The following RTKN2 variants were observed in gnomAD, a reference collection of about 807,000 sequenced individuals.
RTKN2 encodes the protein rhotekin 2, also known as rhotekin-2.
In RTKN2, 69 loss-of-function variants were observed where a neutral mutation model predicts 71.5. The ratio of observed to expected loss-of-function variants is 0.96; its 90% CI spans 0.79 to 1.18. The LOEUF is 1.18. RTKN2 is among the 50% of genes most tolerant of loss of function. The pLI is 0.00. For missense variants in RTKN2, 724 were observed against 719.7 expected (o/e 1.01, Z -0.07); for synonymous variants, 236 against 236.5 (o/e 1.00, Z 0.02).
Position 62,195,969 on chromosome 10 carries a change from T to C in RTKN2, c.*1939A>G, listed in dbSNP as rs1331562091. 1 of 985,028 alleles carries C rather than the reference T, an allele frequency of 1.0e-6. No homozygotes were observed. The highest frequency in any genetic ancestry group is 1.2e-6 in the Non-Finnish European group (1 of 829,736). 61.0% of individuals were successfully genotyped at this position (985,028 alleles called of 1,614,324 possible). A position where few individuals can be genotyped will look rare whatever the true frequency, so the allele number is the denominator to read the frequency against. ...ACACCTTAAGTCCTTCCTGCTGTTA[T>C]CTGCATGAGGAAAAATGACAAGAAT... On this transcript the variant is annotated 3_prime_UTR_variant, in exon 12 of 12. Coordinates refer to ENST00000373789, the MANE Select transcript of RTKN2 (RefSeq NM_145307.4).
In RTKN2 at chr10:62,256,125, C is replaced by T. The variant is rs1350272060; in HGVS notation, c.257+6500G>A. ...TCTCAAGCTTCTGGATGCAAGTGATCCTCCTGCCTCAGCCTCTTGTGTAGC... is the reference window on the plus strand; with the variant it reads ...TCTCAAGCTTCTGGATGCAAGTGATTCTCCTGCCTCAGCCTCTTGTGTAGC... On this transcript the variant is annotated intron_variant, in intron 2 of 11. Transcript: ENST00000373789. Among the ~76,000 whole-genome samples the T allele has an allele frequency of 2.0e-5, 3 of 151,282 alleles. No homozygotes were observed. The East Asian group carries it at 5.8e-4, about 29-fold the overall frequency.
intron 6 of RTKN2, among the ~76,000 whole-genome samples, chr10:62,228,067 A>G (rs1842067376): frequency 1.3e-5 from 2 of 152,214 alleles, no homozygotes; most frequent in South Asian, 4.1e-4. Flanking sequence ...TGTTTTCAGT[A>G]TCTAGATGCA....
chr10:62,218,179 T>G lies in RTKN2; in HGVS notation c.888+16A>C. ...GTAGAGCTACAATTGTTGTAGGATATTTAAAGTCCTCTAACCTGCTGATTA... is the reference window on the plus strand; with the variant it reads ...GTAGAGCTACAATTGTTGTAGGATAGTTAAAGTCCTCTAACCTGCTGATTA... On this transcript the variant is annotated intron_variant, in intron 8 of 11. Transcript: ENST00000373789. 6.5e-7 allele frequency: 1 copy of G among 1,530,818 alleles called. No homozygotes were observed. Among genetic ancestry groups the G allele is most frequent in the Non-Finnish European group, 9.0e-7 (1 of 1,108,154 alleles). 94.8% of individuals were successfully genotyped at this position (1,530,818 alleles called of 1,614,324 possible).
intron 5 of RTKN2, chr10:62,238,342 A>G (rs563475494): frequency 2.0e-5 from 3 of 152,084 alleles, no homozygotes; most frequent in African/African-American, 7.2e-5. Context: ...TTTTTAGTAC[A>G]ATTTAAAATA....
intron 6 of RTKN2, among the ~76,000 whole-genome samples, chr10:62,225,622 T>C (rs1409393350): frequency 1.3e-5 from 2 of 152,216 alleles, no homozygotes; most frequent in Non-Finnish European, 2.9e-5. Context: ...ATGACTTCAT[T>C]ACACTCATTC....
In RTKN2 at chr10:62,217,241, T is replaced by C. The variant is rs1468590431; in HGVS notation, c.897A>G (p.Val299=). Residue 299 remains valine (V), a synonymous_variant, in exon 9 of 12, where the codon GTA becomes GTG. Coordinates refer to ENST00000373789, the MANE Select transcript of RTKN2 (RefSeq NM_145307.4). ...ACCTTCTCCAACTAATCAGACCTTCTACCATTTGCTGAAAAAAAAAAAAAA... is the reference window on the plus strand; with the variant it reads ...ACCTTCTCCAACTAATCAGACCTTCCACCATTTGCTGAAAAAAAAAAAAAA... The part of the protein sequence containing the change: ...FAGFLNQQQM[V]EGLISWRRLY... 3.4e-6 allele frequency: 5 copies of C among 1,489,698 alleles called. No homozygotes were observed. The highest frequency in any genetic ancestry group is 1.8e-5 in the African/African-American group (1 of 55,302). 92.3% of individuals were successfully genotyped at this position (1,489,698 alleles called of 1,614,324 possible).
rs1479066821 is a variant in RTKN2 at position 62,198,041 on chromosome 10, C to G, written c.1697G>C (p.Arg566Thr). Reference protein sequence around the residue: ...MAAPRKLLPARRNRLSDGEHT... With the variant: ...MAAPRKLLPATRNRLSDGEHT... ...CTCACCATCACTTAATCTATTTCTC[C>G]TGGCAGGCAGAAGTTTTCGAGGAGC... is the stretch of plus-strand genomic sequence containing the variant. Residue 566 changes from arginine to threonine, a missense_variant, in exon 12 of 12, where the codon AGG becomes ACG. By Grantham distance (71) the Arg-to-Thr change is moderately conservative. Transcript: ENST00000373789. The G allele has an allele frequency of 1.2e-6, 2 of 1,614,054 alleles. No individual in the cohort carries two copies. Among genetic ancestry groups the G allele is most frequent in the Non-Finnish European group, 1.7e-6 (2 of 1,179,968 alleles).
downstream of RTKN2, among the ~76,000 whole-genome samples, chr10:62,192,233 G>A (rs978177362): frequency 1.3e-5 from 2 of 151,930 alleles, no homozygotes; most frequent in Non-Finnish European, 2.9e-5. Flanking sequence ...TGTTAAGGGG[G>A]GCTACTGAGA....
chr10:62,256,215 G>T (rs1180067819), intron 2 of RTKN2, among the ~76,000 whole-genome samples: 2 of 151,902 alleles, frequency 1.3e-5, no homozygotes, highest in Non-Finnish European at 2.9e-5. Context: ...TAGAAACGAG[G>T]TCTTATTATG....
chr10:62,219,012 A>ACAAAAACAAAAC (rs59807432), intron 7 of RTKN2, among the ~76,000 whole-genome samples: 2 of 151,930 alleles, frequency 1.3e-5, no homozygotes, highest in Non-Finnish European at 2.9e-5. Flanking sequence ...AAAAACAAAA[A>ACAAAAACAAAAC]ACATTATTTC....
chr10:62,237,103 TTAAA>T (rs1842274650), intron 5 of RTKN2, among the ~76,000 whole-genome samples: 1 of 152,074 alleles, frequency 6.6e-6, no homozygotes, highest in East Asian at 1.9e-4. Context: ...GAGATTTTTG[TTAAA>T]TAGATTTTAG....
Position 62,198,240 on chromosome 10 carries a change from T to G in RTKN2, c.1498A>C (p.Lys500Gln). 6.2e-7 allele frequency: 1 copy of G among 1,614,042 alleles called. No homozygotes were observed. Residue 500 changes from lysine to glutamine, a missense_variant, in exon 12 of 12, where the codon AAA (lysine) becomes CAA (glutamine). Physicochemically the swap from Lys to Gln is moderately conservative, Grantham distance 53. Coordinates refer to ENST00000373789, the MANE Select transcript of RTKN2 (RefSeq NM_145307.4). Reference protein sequence around the residue: ...ASEPLHDEKGKKRQAPLPPSD... With the variant: ...ASEPLHDEKGQKRQAPLPPSD... ...GGAGGAAGGGGAGCTTGTCTCTTTT[T>G]CCCTTTTTCATCATGTAATGGCTCA... is the stretch of plus-strand genomic sequence containing the variant.
Position 62,217,251 on chromosome 10 carries a change from TGAAA to T in RTKN2, c.889-6_889-3del. ...ACTAATCAGACCTTCTACCATTTGC[TGAAA>T]AAAAAAAAAAAAAAATCAAGAGACT... On this transcript the variant is annotated splice_region_variant and splice_polypyrimidine_tract_variant and intron_variant, in intron 8 of 11. Transcript: ENST00000373789. 7.2e-7 allele frequency: 1 copy of T among 1,392,548 alleles called. No homozygotes were observed. The highest frequency in any genetic ancestry group is 9.2e-7 in the Non-Finnish European group (1 of 1,082,348). 86.3% of individuals were successfully genotyped at this position (1,392,548 alleles called of 1,614,324 possible). A position where few individuals can be genotyped will look rare whatever the true frequency, so the allele number is the denominator to read the frequency against.
In RTKN2 at chr10:62,197,858, T is replaced by C. The variant is rs1352142952; in HGVS notation, c.*50A>G. 1.3e-6 allele frequency: 2 copies of C among 1,534,872 alleles called. No homozygotes were observed. Among genetic ancestry groups the C allele is most frequent in the Admixed American group, 4.2e-5 (2 of 47,650 alleles). ...ACATTATTCTATAATGCCTCTGAAT[T>C]AAGCTTCACAGTTATAGATTTTGTT... On this transcript the variant is annotated 3_prime_UTR_variant, in exon 12 of 12. Coordinates refer to ENST00000373789, the MANE Select transcript of RTKN2 (RefSeq NM_145307.4).
At chr10:62,246,885 A>C (rs369344545) in intron 2 of RTKN2, among the ~76,000 whole-genome samples, 22 of 152,158 alleles carry the variant, frequency 1.4e-4, no homozygotes, top group African/African-American at 4.6e-4. Flanking sequence ...TGAAAACTTT[A>C]AAAAGATAGA....
chr10:62,204,413 G>A (rs1463985839), intron 10 of RTKN2, among the ~76,000 whole-genome samples: 2 of 152,170 alleles, frequency 1.3e-5, no homozygotes, highest in Non-Finnish European at 2.9e-5. Flanking sequence ...TCTGGATGAT[G>A]TCCAAGAAGA....
intron 8 of RTKN2, among the ~76,000 whole-genome samples, chr10:62,217,544 G>A (rs541097899): frequency 3.2e-4 from 48 of 152,078 alleles, no homozygotes; most frequent in Non-Finnish European, 5.9e-4. Flanking sequence ...AAAGCTAGTC[G>A]ATTAAAAATT....
chr10:62,265,047 C>A (rs1842844035), intron 1 of RTKN2, among the ~76,000 whole-genome samples: 1 of 151,662 alleles, frequency 6.6e-6, no homozygotes, highest in African/African-American at 2.4e-5. Flanking sequence ...ATGAAGACTC[C>A]ATAAAACTAT....
At chr10:62,255,813 T>A (rs1033052440) in intron 2 of RTKN2, among the ~76,000 whole-genome samples, 1 of 152,200 alleles carries the variant, frequency 6.6e-6, no homozygotes. Context: ...AGACCAGATA[T>A]CATATTGCAT....
Sources: allele counts gnomAD v4.1 joint callset (sites outside exome capture counted in the v4.1 genomes callset), GRCh38; gene constraint gnomAD v4.1.1; transcripts MANE v1.5; gene names NCBI Gene and HGNC (gene_info 2026-07-23, HGNC 2026-07-21).